Variants in LRRTM4 observed in about 807,000 individuals in gnomAD.
The protein encoded by LRRTM4 is leucine-rich repeat transmembrane neuronal protein 4.
LRRTM4 carries 25 observed loss-of-function variants against 47.6 expected under a neutral mutation model. The observed-to-expected ratio is 0.53, with a 90% CI of 0.38 to 0.73. The LOEUF (loss-of-function observed/expected upper bound fraction) is 0.73, where lower values mean the gene tolerates loss of function less well. Among genes scored for constraint, LRRTM4 ranks in the 30% least tolerant of loss-of-function variants. The pLI, the probability that LRRTM4 is intolerant of heterozygous loss-of-function variation, is 0.00. For missense variants in LRRTM4, 638 were observed against 713.4 expected (o/e 0.89, Z 1.20); for synonymous variants, 311 against 269.5 (o/e 1.15, Z -1.51).
intron 3 of LRRTM4, among the ~76,000 whole-genome samples, chr2:77,422,184 G>A (rs1035868755): frequency 1.3e-5 from 2 of 152,170 alleles, no homozygotes; most frequent in African/African-American, 2.4e-5. Flanking sequence ...TACGCAATGC[G>A]TGACTGTAGT....
In LRRTM4 at chr2:77,518,810, T is replaced by C. The variant is rs529696389; in HGVS notation, c.1059A>G (p.Ala353=). 3 of 1,611,888 alleles carry C rather than the reference T, an allele frequency of 1.9e-6. No individual in the cohort carries two copies. The highest frequency in any genetic ancestry group is 1.7e-5 in the Admixed American group (1 of 59,632). ...CAGAACAGATATTATATGTTTCCAC[T>C]GCATCACTAACCTTTTCACCCTGGA... ...KHIQGEKVSD[A]VETYNICSEV... The change falls in exon 3 of 4, where the codon GCA becomes GCG. Residue 353 remains alanine, a synonymous_variant. Transcript: ENST00000409884.
At chr2:76,979,821 A>T (rs923806622) in intron 3 of LRRTM4, among the ~76,000 whole-genome samples, 2 of 152,014 alleles carry the variant, frequency 1.3e-5, no homozygotes, top group Admixed American at 1.3e-4. Context: ...ATAGTGGAGT[A>T]ATGAAGCAGT....
intron 3 of LRRTM4, among the ~76,000 whole-genome samples, chr2:77,039,957 A>C (rs60903886): frequency 0.058 from 8,728 of 151,174 alleles, 551 homozygotes; most frequent in East Asian, 0.14. Context: ...GCTGTTAATT[A>C]CTTAAAATTA....
chr2:76,807,465 T>TACACAC (rs1558667632), intron 3 of LRRTM4, among the ~76,000 whole-genome samples: 5 of 102,492 alleles, frequency 4.9e-5, no homozygotes, highest in African/African-American at 2.3e-4. Flanking sequence ...TATACATATA[T>TACACAC]ATATACATAT....
intron 3 of LRRTM4, among the ~76,000 whole-genome samples, chr2:76,936,125 G>A (rs1674936996): frequency 1.3e-5 from 2 of 152,142 alleles, no homozygotes; most frequent in South Asian, 2.1e-4. Context: ...TCTCCTATAA[G>A]GAAACATGCT....
At chr2:77,029,634 A>G (rs1678581581) in intron 3 of LRRTM4, among the ~76,000 whole-genome samples, 1 of 152,222 alleles carries the variant, frequency 6.6e-6, no homozygotes, top group Non-Finnish European at 1.5e-5. Flanking sequence ...ACAGAGATGA[A>G]TGTCAGAAAT....
chr2:77,403,432 G>A (rs1217444019), intron 3 of LRRTM4, among the ~76,000 whole-genome samples: 2 of 151,806 alleles, frequency 1.3e-5, no homozygotes, highest in African/African-American at 4.8e-5. Flanking sequence ...AGTGAAGTAG[G>A]TGCTTAATAG....
chr2:76,905,270 C>A (rs1338631240), intron 3 of LRRTM4, among the ~76,000 whole-genome samples: 1 of 152,142 alleles, frequency 6.6e-6, no homozygotes, highest in Non-Finnish European at 1.5e-5. Context: ...CAAATTCCAA[C>A]AGACCTGCGG....
At chr2:77,291,021 C>A (rs1676809118) in intron 3 of LRRTM4, among the ~76,000 whole-genome samples, 1 of 151,974 alleles carries the variant, frequency 6.6e-6, no homozygotes, top group African/African-American at 2.4e-5. Flanking sequence ...CTACAGATAA[C>A]CTCCATATTC....
At chr2:77,425,299 C>G (rs1675062826) in intron 3 of LRRTM4, among the ~76,000 whole-genome samples, 1 of 152,138 alleles carries the variant, frequency 6.6e-6, no homozygotes, top group African/African-American at 2.4e-5. Context: ...TCAGCCTAGT[C>G]ATTAATTTAA....
At chr2:76,778,651 T>C (rs1674171933) in intron 3 of LRRTM4, among the ~76,000 whole-genome samples, 1 of 152,106 alleles carries the variant, frequency 6.6e-6, no homozygotes, top group Non-Finnish European at 1.5e-5. Flanking sequence ...TCTTCTCTCT[T>C]TTTTTCTTTA....
chr2:77,466,228 G>C (rs964316927), intron 3 of LRRTM4, among the ~76,000 whole-genome samples: 3 of 152,162 alleles, frequency 2.0e-5, no homozygotes, highest in Non-Finnish European at 2.9e-5. Context: ...GAATTTAATT[G>C]AATGGAGGTG....
At chr2:76,807,960 TTTTTCTTTCCTTCCTTCCCTTCTTTC>T (rs1330648382) in intron 3 of LRRTM4, among the ~76,000 whole-genome samples, 9 of 151,046 alleles carry the variant, frequency 6.0e-5, no homozygotes, top group African/African-American at 1.7e-4. Flanking sequence ...TTTCTTTTTC[TTTTTCTTTCCTTCCTTCCCTTCTTTC>T]TTTTCTTTCT....
intron 3 of LRRTM4, among the ~76,000 whole-genome samples, chr2:76,890,371 A>G (rs1473951305): frequency 6.6e-6 from 1 of 152,056 alleles, no homozygotes; most frequent in East Asian, 1.9e-4. Context: ...TTACCATCTT[A>G]ATAATCTACT....
chr2:76,945,505 T>C (rs898878511), intron 3 of LRRTM4, among the ~76,000 whole-genome samples: 1 of 152,052 alleles, frequency 6.6e-6, no homozygotes, highest in Non-Finnish European at 1.5e-5. Context: ...GGATTTATGA[T>C]GCAATGCAGA....
At chr2:77,050,163 A>G (rs1679383294) in intron 3 of LRRTM4, among the ~76,000 whole-genome samples, 1 of 115,700 alleles carries the variant, frequency 8.6e-6, no homozygotes, top group African/African-American at 4.2e-5. Flanking sequence ...ATTTTAATTC[A>G]TTCTAAGCAA....
intron 3 of LRRTM4, among the ~76,000 whole-genome samples, chr2:76,908,275 C>A (rs183452259): frequency 0.012 from 1,799 of 152,102 alleles, 34 homozygotes; most frequent in African/African-American, 0.041. Context: ...CAGAAAAGGC[C>A]TTTGACAAAA....
chr2:76,924,140 C>A (rs1674516234), intron 3 of LRRTM4, among the ~76,000 whole-genome samples: 1 of 152,010 alleles, frequency 6.6e-6, no homozygotes, highest in African/African-American at 2.4e-5. Context: ...TTATTTATGT[C>A]TTTCTGAAAA....
intron 3 of LRRTM4, among the ~76,000 whole-genome samples, chr2:77,169,879 T>A (rs1373194109): frequency 6.6e-6 from 1 of 152,206 alleles, no homozygotes; most frequent in African/African-American, 2.4e-5. Flanking sequence ...TCTTCTTCAA[T>A]TTGTGTAAAG....
Sources: gnomAD v4.1 joint callset for allele counts (sites outside exome capture counted in the v4.1 genomes callset) on GRCh38, gnomAD v4.1.1 for gene constraint, MANE v1.5 for transcripts, NCBI Gene and HGNC (gene_info 2026-07-23, HGNC 2026-07-21) for gene names.